Variants in AGAP1 observed in about 807,000 individuals in gnomAD.
AGAP1 encodes the protein arf-GAP with GTPase, ANK repeat and PH domain-containing protein 1.
In AGAP1, 29 loss-of-function variants were observed where a neutral mutation model predicts 105.3. That is an observed-to-expected ratio of 0.28 (90% CI 0.21 to 0.38). AGAP1 has a LOEUF of 0.38. AGAP1 is among the 10% of genes least tolerant of loss of function. AGAP1 has a pLI of 1.00. For synonymous variants in AGAP1, 509 were observed against 485.9 expected (o/e 1.05, Z -0.63); for missense variants, 998 against 1,165.1 (o/e 0.86, Z 2.09).
chr2:235,519,176 A>C (rs1418381906), intron 1 of AGAP1, among the ~76,000 whole-genome samples: 1 of 152,008 alleles, frequency 6.6e-6, no homozygotes, highest in South Asian at 2.1e-4. Flanking sequence ...GGGCTCAAGC[A>C]ATCCTCCCAC....
At chr2:235,521,737 TATATATGTGTGTGTG>T (rs1942624519) in intron 1 of AGAP1, among the ~76,000 whole-genome samples, 7 of 129,858 alleles carry the variant, frequency 5.4e-5, no homozygotes, top group African/African-American at 2.4e-4. Flanking sequence ...TTGTTTGTTA[TATATATGTGTGTGTG>T]TGTGTGTGTG....
chr2:235,942,936 T>C (rs1337333945), intron 12 of AGAP1, among the ~76,000 whole-genome samples: 1 of 151,998 alleles, frequency 6.6e-6, no homozygotes, highest in Admixed American at 6.6e-5. Flanking sequence ...AAAAAAAAAT[T>C]CATTTAATTA....
intron 11 of AGAP1, among the ~76,000 whole-genome samples, chr2:235,923,171 A>G (rs2052268027): frequency 6.6e-6 from 1 of 152,118 alleles, no homozygotes. Flanking sequence ...TAACGCAAAT[A>G]ATATTTGGGG....
rs11338431 is a variant in AGAP1, at chr2:235,719,007, AT to A, written c.310+1368del. Among the ~76,000 whole-genome samples the A allele has an allele frequency of 0.019, 2,916 of 152,036 alleles. 87 individuals are homozygous for A. The highest frequency in any genetic ancestry group is 0.064 in the African/African-American group (2,639 of 41,416). On this transcript the variant is annotated intron_variant, in intron 3 of 17. Coordinates refer to ENST00000304032, the MANE Select transcript of AGAP1 (RefSeq NM_001037131.3). The surrounding 1 kb of genome is among the most constrained non-coding windows in gnomAD (Gnocchi z 4.9). ...ACACCTTTTAGAGAATCTTTTAGAGATTTTTCCTTTGGGTTTTCCACTTATT... is the reference window on the plus strand; with the variant it reads ...ACACCTTTTAGAGAATCTTTTAGAGATTTTCCTTTGGGTTTTCCACTTATT...
chr2:236,007,936 G>A (rs2056378651), intron 13 of AGAP1, among the ~76,000 whole-genome samples: 1 of 152,232 alleles, frequency 6.6e-6, no homozygotes, highest in Non-Finnish European at 1.5e-5. Context: ...ACACAATTGT[G>A]TGACCACCAC....
In AGAP1 at chr2:235,574,815, T is replaced by A. The variant is rs1192239954; in HGVS notation, c.163+79966T>A. 6.6e-6 allele frequency among the ~76,000 whole-genome samples: 1 copy of A among 152,198 alleles called. No individual in the cohort carries two copies. Among genetic ancestry groups the A allele is most frequent in the Non-Finnish European group, 1.5e-5 (1 of 68,032 alleles). On this transcript the variant is annotated intron_variant, in intron 1 of 17. Transcript: ENST00000304032. The surrounding 1 kb of genome is among the most constrained non-coding windows in gnomAD (Gnocchi z 5.0). ...TAATTTTGAATATTTTCTGAGACCT[T>A]TGGTTTAGAATCTAAACTTTGTTGA...
At chr2:235,985,681 C>T (rs917534318) in intron 13 of AGAP1, among the ~76,000 whole-genome samples, 2 of 152,144 alleles carry the variant, frequency 1.3e-5, no homozygotes, top group African/African-American at 2.4e-5. Flanking sequence ...GCCAGTTTTC[C>T]GCATATGACT....
chr2:235,603,335 C>T (rs1203162731), intron 1 of AGAP1, among the ~76,000 whole-genome samples: 1 of 152,172 alleles, frequency 6.6e-6, no homozygotes, highest in Non-Finnish European at 1.5e-5. Context: ...TTATAAATTA[C>T]CCAGCCTAGG....
At chr2:235,950,730 T>C (rs1390045641) in intron 12 of AGAP1, among the ~76,000 whole-genome samples, 1 of 152,186 alleles carries the variant, frequency 6.6e-6, no homozygotes, top group Non-Finnish European at 1.5e-5. Context: ...ATGTCAATTA[T>C]TACATTTTGG....
At chr2:235,890,952 A>AAAAAAAAACC in intron 10 of AGAP1, among the ~76,000 whole-genome samples, 1 of 150,662 alleles carries the variant, frequency 6.6e-6, no homozygotes, top group South Asian at 2.1e-4. Flanking sequence ...CAAAAAAAAA[A>AAAAAAAAACC]ACACCTCAGT....
intron 9 of AGAP1, among the ~76,000 whole-genome samples, chr2:235,812,471 C>T (rs1958202220): frequency 6.6e-6 from 1 of 152,224 alleles, no homozygotes; most frequent in Non-Finnish European, 1.5e-5. Flanking sequence ...GGCCACCGAC[C>T]TGTGTTGTCT....
In AGAP1 at chr2:235,970,680, G is replaced by A. The variant is rs74376427; in HGVS notation, c.1645+2057G>A. Among the ~76,000 whole-genome samples the A allele has an allele frequency of 0.039, 5,881 of 152,274 alleles. 391 individuals carry two copies. The highest frequency in any genetic ancestry group is 0.14 in the African/African-American group (5,608 of 41,538). On this transcript the variant is annotated intron_variant, in intron 13 of 17. Transcript: ENST00000304032. This position sits in a 1 kb window ranked among gnomAD's most constrained non-coding sequence, Gnocchi z 5.4. ...GATACACGTTCATTATCCCACCCAC[G>A]TGTTGACCGCTGTGTAAATGAGTGA... is the stretch of plus-strand genomic sequence containing the variant.
chr2:235,719,262 T>C lies in AGAP1; in HGVS notation c.310+1618T>C, dbSNP rs1273343083. Reference sequence around the variant, plus strand: ...GGCAGCGCTGGAGGCCCTGGGTTTCTGGAGTAAGAACAAGGACCACGACTC... The same window carrying C: ...GGCAGCGCTGGAGGCCCTGGGTTTCCGGAGTAAGAACAAGGACCACGACTC... On this transcript the variant is annotated intron_variant, in intron 3 of 17. Coordinates refer to ENST00000304032, the MANE Select transcript of AGAP1 (RefSeq NM_001037131.3). This position sits in a 1 kb window ranked among gnomAD's most constrained non-coding sequence, Gnocchi z 4.9. Among the ~76,000 whole-genome samples the C allele has an allele frequency of 1.3e-5, 2 of 152,180 alleles. No individual in the cohort carries two copies. Among genetic ancestry groups the C allele is most frequent in the Non-Finnish European group, 2.9e-5 (2 of 68,036 alleles).
intron 1 of AGAP1, among the ~76,000 whole-genome samples, chr2:235,543,003 G>A (rs927912493): frequency 1.3e-5 from 2 of 151,914 alleles, no homozygotes; most frequent in African/African-American, 2.4e-5. Flanking sequence ...GCTGAGGGTG[G>A]ACTTTTCTTT....
At chr2:235,759,847 T>C (rs951703416) in intron 6 of AGAP1, among the ~76,000 whole-genome samples, 1 of 152,174 alleles carries the variant, frequency 6.6e-6, no homozygotes, top group African/African-American at 2.4e-5. Flanking sequence ...TAAACTGAAA[T>C]AGCAAATTAA....
intron 16 of AGAP1, among the ~76,000 whole-genome samples, chr2:236,098,620 C>CTTTTTTGTTTTTTTTTTTTTTT (rs2059253699): frequency 8.7e-6 from 1 of 115,256 alleles, no homozygotes; most frequent in African/African-American, 3.9e-5. Flanking sequence ...TCTTTTTTTC[C>CTTTTTTGTTTTTTTTTTTTTTT]TTTTTTTTTT....
intron 1 of AGAP1, among the ~76,000 whole-genome samples, chr2:235,629,999 A>T (rs1946775326): frequency 6.6e-6 from 1 of 152,202 alleles, no homozygotes; most frequent in Non-Finnish European, 1.5e-5. Context: ...AGCAGATGTT[A>T]ACCACTTCAT....
At chr2:235,590,201 A>G (rs1945280871) in intron 1 of AGAP1, among the ~76,000 whole-genome samples, 1 of 152,044 alleles carries the variant, frequency 6.6e-6, no homozygotes, top group South Asian at 2.1e-4. Context: ...TCTCACTGTT[A>G]CTGTCTCCCT....
chr2:235,894,084 A>G (rs894087010), intron 10 of AGAP1, among the ~76,000 whole-genome samples: 4 of 152,190 alleles, frequency 2.6e-5, no homozygotes, highest in African/African-American at 9.7e-5. Flanking sequence ...ATATGAGGAG[A>G]TTGTACGGAT....
Sources: allele counts gnomAD v4.1 joint callset (sites outside exome capture counted in the v4.1 genomes callset), GRCh38; gene constraint gnomAD v4.1.1; non-coding constraint Gnocchi (gnomAD v3.1); transcripts MANE v1.5; gene names NCBI Gene and HGNC (gene_info 2026-07-23, HGNC 2026-07-21).